The following BNIP1 variants were observed in gnomAD, a reference collection of about 807,000 sequenced individuals.
BNIP1 encodes the protein BCL2 interacting protein 1, also known as vesicle transport protein SEC20.
In BNIP1, 25 loss-of-function variants were observed where a neutral mutation model predicts 28.5. That is an observed-to-expected ratio of 0.88 (90% CI 0.64 to 1.23). The LOEUF is 1.23. Ranked by LOEUF, BNIP1 falls within the 50% of genes most tolerant of loss-of-function variation. The pLI is 0.00. For synonymous variants in BNIP1, 118 were observed against 101.7 expected (o/e 1.16, Z -0.96); for missense variants, 276 against 277.0 (o/e 1.00, Z 0.02).
chr5:173,157,080 C>T (rs1760222769), intron 3 of BNIP1, among the ~76,000 whole-genome samples: 3 of 152,124 alleles, frequency 2.0e-5, no homozygotes, highest in Admixed American at 2.0e-4. Context: ...GTCTTTTTCC[C>T]AAATGAATGT....
At chr5:173,147,587 G>GT (rs70984950) in intron 2 of BNIP1, among the ~76,000 whole-genome samples, 73,576 of 149,750 alleles carry the variant, frequency 0.49, 18,999 homozygotes, top group Non-Finnish European at 0.58. Flanking sequence ...ACACTCCTGG[G>GT]TTTTTTTTTA....
Position 173,159,352 on chromosome 5 carries a change from C to T in BNIP1, c.371+507C>T, listed in dbSNP as rs1047972768. On this transcript the variant is annotated intron_variant, in intron 4 of 5. Coordinates refer to ENST00000351486, the MANE Select transcript of BNIP1 (RefSeq NM_001205.3). ...CCATGCCCGGCCGAAAATATCAAAT[C>T]TTATTACTCATGAACATTTTGGTAT... is the stretch of plus-strand genomic sequence containing the variant. 7.2e-5 allele frequency among the ~76,000 whole-genome samples: 11 copies of T among 152,130 alleles called. 1 individual carries two copies. Among genetic ancestry groups the T allele is most frequent in the Admixed American group, 3.3e-4 (5 of 15,272 alleles).
intron 2 of BNIP1, among the ~76,000 whole-genome samples, chr5:173,151,321 C>T (rs542432885): frequency 1.1e-4 from 16 of 151,558 alleles, no homozygotes; most frequent in Non-Finnish European, 1.6e-4. Flanking sequence ...CAGGCTCAAG[C>T]GATTTTCCTC....
Position 173,154,330 on chromosome 5 carries a change from G to A in BNIP1, c.186G>A (p.Glu62=), listed in dbSNP as rs764820762. The change falls in exon 3 of 6, where the codon GAG becomes GAA. Residue 62 remains glutamate (E), a synonymous_variant. Coordinates refer to ENST00000351486, the MANE Select transcript of BNIP1 (RefSeq NM_001205.3). ...QQLRHRIQDL[E]QLAKEQDKES... ...ATTATTTTTCCTCAAAGGACCTGGA[G>A]CAGTTGGCTAAAGAGCAAGACAAAG... 5.6e-6 allele frequency: 9 copies of A among 1,613,494 alleles called. No homozygotes were observed. In the South Asian group the frequency reaches 8.8e-5, roughly 16 times the overall value.
In BNIP1 at chr5:173,150,505, A is replaced by C. The variant is rs556485547; in HGVS notation, c.177+3547A>C. ...TAACTATATGATTTTCAGCAGCGTC[A>C]CCATACCTAGCTGATCTCTTCCTGC... On this transcript the variant is annotated intron_variant, in intron 2 of 5. Transcript: ENST00000351486. Among the ~76,000 whole-genome samples, 24 of 152,310 alleles carry C rather than the reference A, an allele frequency of 1.6e-4. No homozygotes were observed. In the East Asian group the frequency reaches 4.4e-3, roughly 28 times the overall value.
chr5:173,146,696 T>G (rs971399932), intron 1 of BNIP1, among the ~76,000 whole-genome samples, 170 bp from the exon 2 acceptor site: 1 of 152,234 alleles, frequency 6.6e-6, no homozygotes, highest in Non-Finnish European at 1.5e-5. Flanking sequence ...GAGAAAAATG[T>G]AAATGATAAT....
chr5:173,158,074 G>A (rs1760254919), intron 3 of BNIP1, among the ~76,000 whole-genome samples: 1 of 151,566 alleles, frequency 6.6e-6, no homozygotes, highest in African/African-American at 2.4e-5. Flanking sequence ...CCACAGGCAT[G>A]CGCCACCACC....
chr5:173,163,758 A>T lies in BNIP1; in HGVS notation c.524A>T (p.Glu175Val). Residue 175 changes from glutamate to valine, a missense_variant, in exon 6 of 6, where the codon GAA (glutamate) becomes GTA (valine). Coordinates refer to ENST00000351486, the MANE Select transcript of BNIP1 (RefSeq NM_001205.3). ...TSSRTILDAN[E>V]EFKSMSGTIQ... ...TCACGAACGATCCTGGATGCAAATG[A>T]AGAATTTAAGTCCATGTCGGGCACC... 6.2e-7 allele frequency: 1 copy of T among 1,610,368 alleles called. No homozygotes were observed. Among genetic ancestry groups the T allele is most frequent in the Non-Finnish European group, 8.5e-7 (1 of 1,178,280 alleles).
At chr5:173,158,637 CT>C in intron 3 of BNIP1, 106 bp from the exon 4 acceptor site, 1 of 793,206 alleles carries the variant, frequency 1.3e-6, no homozygotes, top group East Asian at 2.8e-5. Context: ...AAGGCCGTGC[CT>C]GGTGGCCTTC....
chr5:173,161,525 T>A (rs183422315), intron 5 of BNIP1: 1 of 152,428 alleles, frequency 6.6e-6, no homozygotes, highest in East Asian at 1.9e-4. Context: ...TGCTGGTGGC[T>A]TCTGGGGTGT....
chr5:173,144,879 G>A (rs1006687545), intron 1 of BNIP1: 1 of 458,418 alleles, frequency 2.2e-6, no homozygotes, highest in Non-Finnish European at 3.9e-6. Context: ...CCCTGACTCA[G>A]CTACTGCTTC....
At chr5:173,158,008 C>A (rs912197768) in intron 3 of BNIP1, among the ~76,000 whole-genome samples, 4 of 151,284 alleles carry the variant, frequency 2.6e-5, no homozygotes, top group Non-Finnish European at 5.9e-5. Flanking sequence ...CTCACTGCAA[C>A]CTCCACTTCC....
At chr5:173,148,348 T>C (rs1759926878) in intron 2 of BNIP1, among the ~76,000 whole-genome samples, 1 of 151,466 alleles carries the variant, frequency 6.6e-6, no homozygotes, top group African/African-American at 2.4e-5. Context: ...AGACCACTTG[T>C]GGGTCTGGGG....
At chr5:173,151,495 A>G in intron 2 of BNIP1, 1 of 1,484,676 alleles carries the variant, frequency 6.7e-7, no homozygotes, top group Non-Finnish European at 9.1e-7. Context: ...TGTTGGGATT[A>G]CAGGCAGGAG....
In BNIP1 at chr5:173,161,234, AC is replaced by A. The variant is rs572357988; in HGVS notation, c.490+1187del. 6 of 156,470 alleles carry A rather than the reference AC, an allele frequency of 3.8e-5. No individual in the cohort carries two copies. The East Asian group carries it at 1.1e-3, about 29-fold the overall frequency. 9.7% of individuals were successfully genotyped at this position (156,470 alleles called of 1,614,324 possible). ...ACCCCATAACTACAATACCATGATCACCCCTAGAAATTATAATTTTGGACCA... is the reference window on the plus strand; with the variant it reads ...ACCCCATAACTACAATACCATGATCACCCTAGAAATTATAATTTTGGACCA... On this transcript the variant is annotated intron_variant, in intron 5 of 5. Coordinates refer to ENST00000351486, the MANE Select transcript of BNIP1 (RefSeq NM_001205.3).
chr5:173,148,018 G>A (rs1367413994), intron 2 of BNIP1, among the ~76,000 whole-genome samples: 4 of 126,472 alleles, frequency 3.2e-5, no homozygotes, highest in Non-Finnish European at 4.7e-5. Context: ...AGCAGAGATC[G>A]TGCCACTGCA....
rs770751236 is a variant in BNIP1 at position 173,163,824 on chromosome 5, G to A, written c.590G>A (p.Arg197Gln). The A allele has an allele frequency of 2.5e-6, 4 of 1,613,898 alleles. No individual in the cohort carries two copies. Among genetic ancestry groups the A allele is most frequent in the Non-Finnish European group, 2.5e-6 (3 of 1,179,910 alleles). The change falls in exon 6 of 6, where the codon CGG becomes CAG. Residue 197 changes from arginine to glutamine, a missense_variant. Arg to Gln is a conservative substitution (Grantham distance 43). Coordinates refer to ENST00000351486, the MANE Select transcript of BNIP1 (RefSeq NM_001205.3). The part of the protein sequence containing the change: ...GRKLITKYNR[R>Q]ELTDKLLIFL... ...AAGCTTATCACAAAATACAATCGCC[G>A]GGAGCTGACGGACAAGCTTCTCATC... is the stretch of plus-strand genomic sequence containing the variant.
chr5:173,160,894 T>C (rs528152026), intron 5 of BNIP1: 5 of 456,090 alleles, frequency 1.1e-5, no homozygotes, highest in Non-Finnish European at 2.2e-5. Context: ...CCTCCAATAG[T>C]TTTCCCAGAG....
Position 173,151,472 on chromosome 5 carries a change from C to T in BNIP1, c.178-2850C>T, listed in dbSNP as rs545354236. On this transcript the variant is annotated intron_variant, in intron 2 of 5. Coordinates refer to ENST00000351486, the MANE Select transcript of BNIP1 (RefSeq NM_001205.3). ...CCTGGACTCAAGTGATTGCCTGCCT[C>T]AGCCTTCCAAAGTGTTGGGATTACA... 1.7e-5 allele frequency: 22 copies of T among 1,306,776 alleles called. No homozygotes were observed. In the African/African-American group the frequency reaches 3.0e-4, roughly 18 times the overall value. 80.9% of individuals were successfully genotyped at this position (1,306,776 alleles called of 1,614,324 possible).
Sources: gnomAD v4.1 joint callset for allele counts (sites outside exome capture counted in the v4.1 genomes callset) on GRCh38, gnomAD v4.1.1 for gene constraint, MANE v1.5 for transcripts, NCBI Gene and HGNC (gene_info 2026-07-23, HGNC 2026-07-21) for gene names.